The following MAGI2 variants were observed in gnomAD, a reference collection of about 807,000 sequenced individuals.
MAGI2 encodes the protein membrane-associated guanylate kinase, WW and PDZ domain-containing protein 2.
A neutral mutation model predicts 133.3 loss-of-function variants in MAGI2; 35 were observed. The ratio of observed to expected loss-of-function variants is 0.26; its 90% CI spans 0.20 to 0.35. The LOEUF is 0.35. Among genes scored for constraint, MAGI2 ranks in the 10% least tolerant of loss-of-function variants. The pLI, the probability that MAGI2 is intolerant of heterozygous loss-of-function variation, is 1.00. For missense variants in MAGI2, 1,636 were observed against 1,863.4 expected, an observed-to-expected ratio of 0.88 and a Z score of 2.25; for synonymous variants, 729 against 710.6, an observed-to-expected ratio of 1.03 and a Z score of -0.41.
chr7:79,034,014 A>C (rs553819625), intron 1 of MAGI2, among the ~76,000 whole-genome samples: 1 of 152,328 alleles, frequency 6.6e-6, no homozygotes, highest in East Asian at 1.9e-4. Flanking sequence ...TTAAAAAATT[A>C]GTCTTCAAAA....
At chr7:78,336,369 C>T (rs934245954) in intron 9 of MAGI2, among the ~76,000 whole-genome samples, 8 of 152,066 alleles carry the variant, frequency 5.3e-5, no homozygotes, top group South Asian at 2.1e-4. Flanking sequence ...ATAGAGGTAG[C>T]GACCACTGAA....
chr7:79,094,304 T>G (rs1817336705), intron 1 of MAGI2, among the ~76,000 whole-genome samples: 1 of 152,246 alleles, frequency 6.6e-6, no homozygotes, highest in East Asian at 1.9e-4. Flanking sequence ...CATTGAAGTT[T>G]TATCATGAGA....
chr7:79,079,624 G>T (rs1381569363), intron 1 of MAGI2, among the ~76,000 whole-genome samples: 1 of 152,068 alleles, frequency 6.6e-6, no homozygotes, highest in Non-Finnish European at 1.5e-5. Flanking sequence ...ACCCTGGCAA[G>T]ATAGAAATGG....
chr7:78,485,720 C>G (rs1792927494), intron 6 of MAGI2: 1 of 152,058 alleles, frequency 6.6e-6, no homozygotes, highest in East Asian at 1.9e-4. Flanking sequence ...CTACATACCT[C>G]CATACATTCA....
At chr7:78,749,740 G>C (rs1823274262) in intron 2 of MAGI2, among the ~76,000 whole-genome samples, 1 of 152,158 alleles carries the variant, frequency 6.6e-6, no homozygotes, top group Non-Finnish European at 1.5e-5. Context: ...AAAAGACCTG[G>C]ACTGTGCTTT....
At chr7:78,861,151 C>T (rs1237232899) in intron 2 of MAGI2, among the ~76,000 whole-genome samples, 1 of 152,170 alleles carries the variant, frequency 6.6e-6, no homozygotes, top group Non-Finnish European at 1.5e-5. Flanking sequence ...TGAAGGCTTC[C>T]CTTTGCTAGG....
intron 2 of MAGI2, among the ~76,000 whole-genome samples, chr7:78,725,815 CAACAAACA>C (rs371894892): frequency 6.6e-6 from 1 of 151,836 alleles, no homozygotes; most frequent in Non-Finnish European, 1.5e-5. Flanking sequence ...ACAACAACCA[CAACAAACA>C]AACAAACAAA....
At chr7:78,255,055 T>C (rs1450550297) in intron 10 of MAGI2, 1 of 152,274 alleles carries the variant, frequency 6.6e-6, no homozygotes, top group African/African-American at 2.4e-5. Flanking sequence ...CCTTTTCCTT[T>C]ACACTCTTTT....
At chr7:78,867,490 A>G (rs1466451320) in intron 2 of MAGI2, among the ~76,000 whole-genome samples, 9 of 147,892 alleles carry the variant, frequency 6.1e-5, no homozygotes, top group African/African-American at 2.2e-4. Context: ...GAAATGAACA[A>G]TGAGAACACA....
chr7:78,727,599 A>T (rs1321822251), intron 2 of MAGI2, among the ~76,000 whole-genome samples: 1 of 152,200 alleles, frequency 6.6e-6, no homozygotes, highest in African/African-American at 2.4e-5. Flanking sequence ...CAACTGAAGT[A>T]TATACATCAA....
chr7:78,921,151 C>T (rs1367912725), intron 2 of MAGI2, among the ~76,000 whole-genome samples: 2 of 152,024 alleles, frequency 1.3e-5, no homozygotes, highest in Non-Finnish European at 2.9e-5. Flanking sequence ...CTCTTTAGTC[C>T]CTCTTCCTCC....
In MAGI2 at chr7:78,698,630, C is replaced by T. The variant is rs982304183; in HGVS notation, c.419-71391G>A. 2.5e-4 allele frequency among the ~76,000 whole-genome samples: 38 copies of T among 152,296 alleles called. No individual in the cohort carries two copies. The East Asian group carries it at 6.0e-3, about 24-fold the overall frequency. ...TTCTCACACTGTTAATAAAGATATA[C>T]CCCAAACTGGGTAATTTACAAAGGA... On this transcript the variant is annotated intron_variant, in intron 2 of 21. Coordinates refer to ENST00000354212, the MANE Select transcript of MAGI2 (RefSeq NM_012301.4).
chr7:78,705,203 G>A (rs1423349727), intron 2 of MAGI2, among the ~76,000 whole-genome samples: 1 of 152,032 alleles, frequency 6.6e-6, no homozygotes, highest in East Asian at 1.9e-4. Context: ...TGGATCATGA[G>A]GGTGGTCCCC....
At chr7:78,185,589 C>A in intron 13 of MAGI2, 40 bp downstream of exon 13, 1 of 1,473,324 alleles carries the variant, frequency 6.8e-7, no homozygotes, top group Non-Finnish European at 9.3e-7. Flanking sequence ...AAATGGAAGA[C>A]GTTTTGTTCA....
chr7:78,829,284 C>G (rs115726882), intron 2 of MAGI2, among the ~76,000 whole-genome samples: 3,760 of 152,052 alleles, frequency 0.025, 66 homozygotes, highest in South Asian at 0.074. Context: ...CTTTCTGATA[C>G]TGGTGAGACA....
At chr7:78,097,990 TCG>T (rs1200286404) in intron 20 of MAGI2, among the ~76,000 whole-genome samples, 2 of 151,618 alleles carry the variant, frequency 1.3e-5, no homozygotes, top group African/African-American at 4.9e-5. Context: ...ATGAAAAATT[TCG>T]TGTGTTATTA....
intron 7 of MAGI2, among the ~76,000 whole-genome samples, chr7:78,367,127 A>ACACACACACACACACACACAC (rs1554369024): frequency 6.6e-6 from 1 of 151,816 alleles, no homozygotes; most frequent in South Asian, 2.1e-4. Flanking sequence ...ACACACACAC[A>ACACACACACACACACACACAC]AATTTGAAGT....
intron 1 of MAGI2, among the ~76,000 whole-genome samples, chr7:79,262,038 T>A (rs1432280992): frequency 6.6e-6 from 1 of 152,152 alleles, no homozygotes; most frequent in African/African-American, 2.4e-5. Context: ...CCCTAACAAA[T>A]TCTCTCCTAG....
At chr7:78,613,567 A>C (rs998891606) in intron 3 of MAGI2, among the ~76,000 whole-genome samples, 1 of 152,250 alleles carries the variant, frequency 6.6e-6, no homozygotes, top group Non-Finnish European at 1.5e-5. Context: ...GCATAAAGTA[A>C]AAGTACAGAA....
Sources: allele counts gnomAD v4.1 joint callset (sites outside exome capture counted in the v4.1 genomes callset), GRCh38; gene constraint gnomAD v4.1.1; transcripts MANE v1.5; gene names NCBI Gene and HGNC (gene_info 2026-07-23, HGNC 2026-07-21).